The following MTHFSD variants were observed in gnomAD, a reference collection of about 807,000 sequenced individuals.
MTHFSD encodes methenyltetrahydrofolate synthetase domain containing.
MTHFSD carries 37 observed loss-of-function variants against 31.1 expected under a neutral mutation model. The observed-to-expected ratio is 1.19, with a 90% CI of 0.91 to 1.56. The LOEUF is 1.56. Ranked by LOEUF, MTHFSD falls within the 40% of genes most tolerant of loss-of-function variation. The probability of loss-of-function intolerance (pLI) is 0.00; values close to 1 mark genes in which losing one functional copy is unlikely to be tolerated. For missense variants in MTHFSD, 664 were observed against 510.1 expected, an observed-to-expected ratio of 1.30 and a Z score of -2.91; for synonymous variants, 221 against 206.9, an observed-to-expected ratio of 1.07 and a Z score of -0.59.
Position 86,530,577 on chromosome 16 carries a change from G to A in MTHFSD, c.*1434C>T, listed in dbSNP as rs1597301332. On this transcript the variant is annotated 3_prime_UTR_variant, in exon 8 of 8. Coordinates refer to ENST00000360900, the MANE Select transcript of MTHFSD (RefSeq NM_001159377.2). Reference sequence around the variant, plus strand: ...ACTCACTTGCTCTTCTCCTGGAGTTGCTATTCTAACGGCAGCAAATCCACA... The same window carrying A: ...ACTCACTTGCTCTTCTCCTGGAGTTACTATTCTAACGGCAGCAAATCCACA... 6.6e-6 allele frequency: 1 copy of A among 151,512 alleles called. No homozygotes were observed. The highest frequency in any genetic ancestry group is 1.5e-5 in the Non-Finnish European group (1 of 67,994). 9.4% of individuals were successfully genotyped at this position (151,512 alleles called of 1,614,324 possible).
intron 7 of MTHFSD, among the ~76,000 whole-genome samples, chr16:86,540,565 C>T (rs145103354): frequency 1.7e-3 from 257 of 152,340 alleles, no homozygotes; most frequent in African/African-American, 5.8e-3. Flanking sequence ...CCAGCAGCTT[C>T]GCTGTGGCTA....
At chr16:86,546,955 A>C in intron 4 of MTHFSD, among the ~76,000 whole-genome samples, 1 of 152,216 alleles carries the variant, frequency 6.6e-6, no homozygotes. Flanking sequence ...CACAGTGGTG[A>C]AAACACAGGG....
At chr16:86,552,262 G>A (rs1216801105) in intron 2 of MTHFSD, 116 bp from the exon 3 acceptor site, 10 of 1,603,008 alleles carry the variant, frequency 6.2e-6, no homozygotes, top group African/African-American at 1.3e-5. Context: ...GCCTGCAAGC[G>A]TGGGAGTTGC....
At chr16:86,548,994 T>G (rs1404780137) in intron 3 of MTHFSD, among the ~76,000 whole-genome samples, 1 of 152,254 alleles carries the variant, frequency 6.6e-6, no homozygotes, top group Non-Finnish European at 1.5e-5. Flanking sequence ...TGGCATGGCA[T>G]AGCTACCTTA....
intron 4 of MTHFSD, chr16:86,547,998 G>A (rs1342861951): frequency 1.6e-6 from 2 of 1,266,782 alleles, no homozygotes; most frequent in South Asian, 2.5e-5. Context: ...AGGCATTCAA[G>A]AAAATCTTAA....
intron 7 of MTHFSD, chr16:86,541,156 A>G: frequency 7.8e-7 from 1 of 1,288,750 alleles, no homozygotes; most frequent in Non-Finnish European, 1.0e-6. Context: ...GCAGGGTCAA[A>G]CTCCTACTGC....
intron 2 of MTHFSD, 131 bp downstream of exon 2, chr16:86,554,514 G>A: frequency 1.3e-6 from 1 of 746,678 alleles, no homozygotes; most frequent in South Asian, 1.7e-5. Context: ...AAATGGCTTT[G>A]ATTTCACACC....
chr16:86,534,760 G>C (rs1970443711), intron 7 of MTHFSD, among the ~76,000 whole-genome samples: 1 of 151,964 alleles, frequency 6.6e-6, no homozygotes, highest in East Asian at 1.9e-4. Context: ...TTGGCTCTGA[G>C]TACAGCACCA....
At chr16:86,544,748 C>T (rs927900507) in intron 5 of MTHFSD, among the ~76,000 whole-genome samples, 7 of 152,306 alleles carry the variant, frequency 4.6e-5, no homozygotes, top group South Asian at 4.1e-4. Context: ...TCTAAAGACA[C>T]GTGCACATGT....
chr16:86,535,077 G>T (rs562559453), intron 7 of MTHFSD: 14 of 245,896 alleles, frequency 5.7e-5, no homozygotes, highest in Non-Finnish European at 7.8e-5. Context: ...ATATCCTTCC[G>T]TGCACATCAC....
chr16:86,554,660 C>G lies in MTHFSD; in HGVS notation c.108G>C (p.Arg36Ser). The change falls in exon 2 of 8, where the codon AGG (arginine) becomes AGC (serine). Residue 36 changes from arginine (R) to serine (S), a missense_variant. Arg to Ser is a moderately radical substitution (Grantham distance 110). Coordinates refer to ENST00000360900, the MANE Select transcript of MTHFSD (RefSeq NM_001159377.2). ...ATGTCAGTACCTTAAAGTTGGGTATCCTGTGATGAACAGGTCGGGGAAAGT... is the reference window on the plus strand; with the variant it reads ...ATGTCAGTACCTTAAAGTTGGGTATGCTGTGATGAACAGGTCGGGGAAAGT... Reference protein sequence around the residue: ...LADFPRPVHHRIPNFKGSYLA... With the variant: ...LADFPRPVHHSIPNFKGSYLA... 2 of 1,613,964 alleles carry G rather than the reference C, an allele frequency of 1.2e-6. No homozygotes were observed. The highest frequency in any genetic ancestry group is 2.2e-5 in the East Asian group (1 of 44,872).
rs914346775 is a variant in MTHFSD, at chr16:86,531,903, G to A, written c.*108C>T. On this transcript the variant is annotated 3_prime_UTR_variant, in exon 8 of 8. Coordinates refer to ENST00000360900, the MANE Select transcript of MTHFSD (RefSeq NM_001159377.2). The surrounding 1 kb of genome is among the most constrained non-coding windows in gnomAD (Gnocchi z 5.5). ...AATTGAGACCCGAGCAGCTCAGGCG[G>A]TGGCTCCGACACGTCTTGCCACGCA... is the stretch of plus-strand genomic sequence containing the variant. The A allele has an allele frequency of 8.6e-6, 6 of 700,618 alleles. No individual in the cohort carries two copies. In the Admixed American group the frequency reaches 2.3e-4, roughly 26 times the overall value. 43.4% of individuals were successfully genotyped at this position (700,618 alleles called of 1,614,324 possible). A position where few individuals can be genotyped will look rare whatever the true frequency, so the allele number is the denominator to read the frequency against.
At chr16:86,541,327 G>A in intron 7 of MTHFSD, 1 of 873,146 alleles carries the variant, frequency 1.1e-6, no homozygotes, top group African/African-American at 1.7e-5. Context: ...AAAAAGGGAA[G>A]ACCAATGAGA....
At position 86,541,709 on chromosome 16, in the gene MTHFSD, G is replaced by T. The variant is rs764088212; in HGVS notation, c.669C>A (p.Ile223=). 2 of 1,613,378 alleles carry T rather than the reference G, an allele frequency of 1.2e-6. No individual in the cohort carries two copies. The highest frequency in any genetic ancestry group is 1.7e-6 in the Non-Finnish European group (2 of 1,179,794). Residue 223 remains isoleucine, a synonymous_variant, in exon 7 of 8, where the codon ATC becomes ATA. Coordinates refer to ENST00000360900, the MANE Select transcript of MTHFSD (RefSeq NM_001159377.2). Reference sequence around the variant, plus strand: ...TGCCGTGACCCACCTTGAACCAGGTGATTCCCATTGGCTTTGGGCGCTTGC... The same window carrying T: ...TGCCGTGACCCACCTTGAACCAGGTTATTCCCATTGGCTTTGGGCGCTTGC... ...TGCKRPKPMG[I]TWFKISLEMM... is the part of the protein sequence containing the mutation.
At chr16:86,552,314 G>C (rs778442628) in intron 2 of MTHFSD, 168 bp from the exon 3 acceptor site, 4 of 1,535,358 alleles carry the variant, frequency 2.6e-6, no homozygotes, top group East Asian at 4.9e-5. Context: ...GCAATCGCAC[G>C]TTACTGAAAG....
chr16:86,549,912 C>T (rs946451323), intron 3 of MTHFSD, among the ~76,000 whole-genome samples: 1 of 152,210 alleles, frequency 6.6e-6, no homozygotes, highest in African/African-American at 2.4e-5. Flanking sequence ...CCCGGCACTG[C>T]GGACTGTCCG....
chr16:86,541,190 T>C lies in MTHFSD; in HGVS notation c.681+507A>G, dbSNP rs1459969341. On this transcript the variant is annotated intron_variant, in intron 7 of 7. Coordinates refer to ENST00000360900, the MANE Select transcript of MTHFSD (RefSeq NM_001159377.2). The stretch of plus-strand genomic sequence containing the variant: ...GCAGACTAATTTGCAACCTGTGCCA[T>C]TACCTAATCTGGAGATAAAAACCAC... The C allele has an allele frequency of 3.1e-6, 4 of 1,289,638 alleles. No individual in the cohort carries two copies. In the East Asian group the frequency reaches 2.2e-4, roughly 72 times the overall value. 79.9% of individuals were successfully genotyped at this position (1,289,638 alleles called of 1,614,324 possible). A position where few individuals can be genotyped will look rare whatever the true frequency, so the allele number is the denominator to read the frequency against.
chr16:86,534,732 G>C (rs1183719346), intron 7 of MTHFSD, among the ~76,000 whole-genome samples: 1 of 152,158 alleles, frequency 6.6e-6, no homozygotes, highest in East Asian at 1.9e-4. Context: ...GCATTTATCT[G>C]GAAGAACTGA....
intron 3 of MTHFSD, among the ~76,000 whole-genome samples, chr16:86,550,367 T>G (rs917674420): frequency 6.6e-6 from 1 of 152,314 alleles, no homozygotes; most frequent in South Asian, 2.1e-4. Flanking sequence ...CAACAGGGAT[T>G]TGCTCAGGGC....
Sources: allele counts gnomAD v4.1 joint callset (sites outside exome capture counted in the v4.1 genomes callset), GRCh38; gene constraint gnomAD v4.1.1; non-coding constraint Gnocchi (gnomAD v3.1); transcripts MANE v1.5; gene names NCBI Gene and HGNC (gene_info 2026-07-23, HGNC 2026-07-21).